The following ADGRF4 variants were observed in gnomAD, a reference collection of about 807,000 sequenced individuals.
The protein encoded by ADGRF4 is adhesion G protein-coupled receptor F4, also known as G-protein coupled receptor PGR18.
ADGRF4 carries 63 observed loss-of-function variants against 58.5 expected under a neutral mutation model. The ratio of observed to expected loss-of-function variants is 1.08; its 90% CI spans 0.88 to 1.33. ADGRF4 has a LOEUF of 1.33. ADGRF4 is among the 40% of genes most tolerant of loss of function. The pLI is 0.00. For synonymous variants in ADGRF4, 313 were observed against 295.4 expected, an observed-to-expected ratio of 1.06 and a Z score of -0.61; for missense variants, 931 against 843.9, an observed-to-expected ratio of 1.10 and a Z score of -1.28.
chr6:47,719,891 T>G (rs962416624), intron 9 of ADGRF4, among the ~76,000 whole-genome samples: 1 of 152,192 alleles, frequency 6.6e-6, no homozygotes, highest in African/African-American at 2.4e-5. Context: ...TCTGAAGAAG[T>G]CTTCATCACA....
Position 47,704,363 on chromosome 6 carries a change from G to A in ADGRF4, c.-16-2867G>A, listed in dbSNP as rs528137995. On this transcript the variant is annotated intron_variant, in intron 1 of 9. Coordinates refer to ENST00000283303, the MANE Select transcript of ADGRF4 (RefSeq NM_153838.5). ...CTATTCTTTACAAATGCCTCCCTTC[G>A]TCTCGCCTTCACCCATTTTAGTGCA... Among the ~76,000 whole-genome samples the A allele has an allele frequency of 6.8e-4, 104 of 152,126 alleles. No individual in the cohort carries two copies. The South Asian group carries it at 8.1e-3, about 12-fold the overall frequency.
chr6:47,708,224 G>T lies in ADGRF4; in HGVS notation c.94G>T (p.Ala32Ser), dbSNP rs1005082768. Residue 32 changes from alanine (A) to serine (S), a missense_variant and splice_region_variant, in exon 3 of 10, where the codon GCT becomes TCT. Physicochemically the swap from Ala to Ser is moderately conservative, Grantham distance 99. Transcript: ENST00000283303. ...SHYRSKIHLKAGDKLQSPEGK... is the reference protein window; with the variant it reads ...SHYRSKIHLKSGDKLQSPEGK... ...ACCATTGGGAATTTATATTTTTCAG[G>T]CTGGAGATAAACTTCAAAGCCCTGA... The T allele has an allele frequency of 5.0e-6, 8 of 1,611,014 alleles. No individual in the cohort carries two copies. The highest frequency in any genetic ancestry group is 6.8e-6 in the Non-Finnish European group (8 of 1,177,412).
intron 8 of ADGRF4, among the ~76,000 whole-genome samples, chr6:47,717,562 T>A (rs375320153): frequency 6.6e-6 from 1 of 152,232 alleles, no homozygotes; most frequent in African/African-American, 2.4e-5. Context: ...ATGTTTCACA[T>A]TGGATGTATT....
chr6:47,700,840 C>G (rs1771572907), intron 1 of ADGRF4, among the ~76,000 whole-genome samples: 1 of 152,206 alleles, frequency 6.6e-6, no homozygotes, highest in South Asian at 2.1e-4. Flanking sequence ...GGAATCATTT[C>G]CCAATTCATT....
At chr6:47,711,082 T>C (rs1378178949) in intron 4 of ADGRF4, among the ~76,000 whole-genome samples, 196 bp downstream of exon 4, 3 of 148,248 alleles carry the variant, frequency 2.0e-5, no homozygotes, top group Non-Finnish European at 4.4e-5. Flanking sequence ...CTCTATATGC[T>C]CTCTATTTCT....
rs1561867690 is a variant in ADGRF4, at chr6:47,712,476, CTT to C, written c.422_423del (p.Phe141Ter). 6.2e-7 allele frequency: 1 copy of C among 1,614,132 alleles called. No homozygotes were observed. Among genetic ancestry groups the C allele is most frequent in the Non-Finnish European group, 8.5e-7 (1 of 1,180,002 alleles). On this transcript the variant is annotated frameshift_variant, in exon 5 of 10. Coordinates refer to ENST00000283303, the MANE Select transcript of ADGRF4 (RefSeq NM_153838.5). LOFTEE classifies it high-confidence loss of function. ...CTCAAGGAATCCGTAAGAACTGCCC[CTT>C]TGATTATGCCTGCATCACTGACATG... ...VAQGIRKNCP[F>X]DYACITDMVK...
chr6:47,715,258 C>A, intron 6 of ADGRF4, 81 bp downstream of exon 6: 1 of 1,007,010 alleles, frequency 9.9e-7, no homozygotes, highest in Non-Finnish European at 1.5e-6. Context: ...TTATATAACA[C>A]AAAATGTTCT....
At chr6:47,707,360 G>A in intron 2 of ADGRF4, 22 bp downstream of exon 2, 1 of 1,398,888 alleles carries the variant, frequency 7.1e-7, no homozygotes, top group Non-Finnish European at 1.0e-6. Context: ...CTATTCCTAT[G>A]TGATCCGAGG....
Position 47,714,160 on chromosome 6 carries a change from C to T in ADGRF4, c.915C>T (p.Ala305=). 2 of 1,613,874 alleles carry T rather than the reference C, an allele frequency of 1.2e-6. No homozygotes were observed. The highest frequency in any genetic ancestry group is 1.7e-6 in the Non-Finnish European group (2 of 1,179,942). The change falls in exon 6 of 10, where the codon GCC becomes GCT. Residue 305 remains alanine, a synonymous_variant. Transcript: ENST00000283303. ...CCTTGGGGGCTATCCTGAGAGAAGC[C>T]CACTTGCAAAATGTGAGTCTTCCCA... ...FPTLGAILRE[A]HLQNVSLPRQ...
In ADGRF4 at chr6:47,713,997, C is replaced by A. The variant is rs1301031483; in HGVS notation, c.752C>A (p.Thr251Asn). The change falls in exon 6 of 10, where the codon ACC becomes AAC. Residue 251 changes from threonine (T) to asparagine (N), a missense_variant. Coordinates refer to ENST00000283303, the MANE Select transcript of ADGRF4 (RefSeq NM_153838.5). ...QTKGFHINHNTSEKSLNFSMS... is the reference protein window; with the variant it reads ...QTKGFHINHNNSEKSLNFSMS... Reference sequence around the variant, plus strand: ...AAAGGGTTTCACATCAACCATAATACCTCAGAGAAAAGCCTCAATTTCTCC... The same window carrying A: ...AAAGGGTTTCACATCAACCATAATAACTCAGAGAAAAGCCTCAATTTCTCC... The A allele has an allele frequency of 1.2e-6, 2 of 1,604,934 alleles. No homozygotes were observed. Among genetic ancestry groups the A allele is most frequent in the Non-Finnish European group, 1.7e-6 (2 of 1,175,244 alleles).
chr6:47,699,176 TTC>T (rs1255704373), intron 1 of ADGRF4, among the ~76,000 whole-genome samples: 1 of 152,242 alleles, frequency 6.6e-6, no homozygotes, highest in Non-Finnish European at 1.5e-5. Flanking sequence ...GATTAGTTTC[TTC>T]TTTTAGTGAG....
chr6:47,700,611 C>T (rs973933681), intron 1 of ADGRF4, among the ~76,000 whole-genome samples: 3 of 152,198 alleles, frequency 2.0e-5, no homozygotes, highest in African/African-American at 7.2e-5. Flanking sequence ...TGGCGGACAT[C>T]CCTAACCTGG....
chr6:47,709,977 A>C (rs1463822524), intron 3 of ADGRF4, among the ~76,000 whole-genome samples: 1 of 152,144 alleles, frequency 6.6e-6, no homozygotes, highest in Non-Finnish European at 1.5e-5. Flanking sequence ...TATGGAGAAA[A>C]TGCATATGTT....
Position 47,714,108 on chromosome 6 carries a change from C to G in ADGRF4, c.863C>G (p.Ser288Cys), listed in dbSNP as rs762165091. 1 of 1,613,866 alleles carries G rather than the reference C, an allele frequency of 6.2e-7. No homozygotes were observed. The highest frequency in any genetic ancestry group is 2.2e-5 in the East Asian group (1 of 44,890). The change falls in exon 6 of 10, where the codon TCC (serine) becomes TGC (cysteine). Residue 288 changes from serine to cysteine, a missense_variant. By Grantham distance (112) the Ser-to-Cys change is moderately radical. Transcript: ENST00000283303. ...CTAAGGAAGCTGTGGCCAAATGCAT[C>G]CCAAGCCATTAGCATAGCTTTCCCA... is the stretch of plus-strand genomic sequence containing the variant. ...QELRKLWPNA[S>C]QAISIAFPTL...
chr6:47,712,447 G>A lies in ADGRF4; in HGVS notation c.391G>A (p.Val131Ile), dbSNP rs1771895186. The A allele has an allele frequency of 5.0e-6, 8 of 1,614,048 alleles. No homozygotes were observed. The highest frequency in any genetic ancestry group is 6.8e-6 in the Non-Finnish European group (8 of 1,179,912). ...DFRAPETIESVAQGIRKNCPF... is the reference protein window; with the variant it reads ...DFRAPETIESIAQGIRKNCPF... ...TCGAGCTCCAGAGACCATTGAGAGT[G>A]TAGCTCAAGGAATCCGTAAGAACTG... The change falls in exon 5 of 10, where the codon GTA (valine) becomes ATA (isoleucine). Residue 131 changes from valine to isoleucine, a missense_variant. Val to Ile is a conservative substitution (Grantham distance 29). Coordinates refer to ENST00000283303, the MANE Select transcript of ADGRF4 (RefSeq NM_153838.5).
At chr6:47,720,891 A>C (rs1397194610) in intron 9 of ADGRF4, among the ~76,000 whole-genome samples, 1 of 152,208 alleles carries the variant, frequency 6.6e-6, no homozygotes, top group Non-Finnish European at 1.5e-5. Flanking sequence ...GTAAATTCAC[A>C]GCAGCAGAGG....
In ADGRF4 at chr6:47,699,901, C is replaced by T. The variant is rs1227966060; in HGVS notation, c.-17+1107C>T. Among the ~76,000 whole-genome samples, 3 of 85,190 alleles carry T rather than the reference C, an allele frequency of 3.5e-5. No homozygotes were observed. The East Asian group carries it at 1.5e-3, about 42-fold the overall frequency. The allele number at this position is 85,190 out of a possible 152,430, so 55.9% of individuals were successfully genotyped here. On this transcript the variant is annotated intron_variant, in intron 1 of 9. Coordinates refer to ENST00000283303, the MANE Select transcript of ADGRF4 (RefSeq NM_153838.5). The stretch of plus-strand genomic sequence containing the variant: ...GAATTAGGGGAACAACACACACACA[C>T]ATACACACACACACACACACACAGA...
chr6:47,718,889 T>C (rs1040850413), intron 9 of ADGRF4, among the ~76,000 whole-genome samples: 1 of 152,172 alleles, frequency 6.6e-6, no homozygotes, highest in African/African-American at 2.4e-5. Flanking sequence ...AGCCAACCCC[T>C]GAGACATATT....
At chr6:47,709,724 A>G (rs1771813187) in intron 3 of ADGRF4, among the ~76,000 whole-genome samples, 1 of 152,234 alleles carries the variant, frequency 6.6e-6, no homozygotes, top group South Asian at 2.1e-4. Flanking sequence ...TGCAGAGAGC[A>G]GCAAAAAATT....
Sources: allele counts gnomAD v4.1 joint callset (sites outside exome capture counted in the v4.1 genomes callset), GRCh38; gene constraint gnomAD v4.1.1; transcripts MANE v1.5; gene names NCBI Gene and HGNC (gene_info 2026-07-23, HGNC 2026-07-21).